Variants in SLC1A1 observed in about 807,000 individuals in gnomAD.
SLC1A1 encodes the protein excitatory amino acid transporter 3.
In SLC1A1, 43 loss-of-function variants were observed where a neutral mutation model predicts 53.3. The observed-to-expected ratio is 0.81, with a 90% CI of 0.63 to 1.04. The LOEUF (loss-of-function observed/expected upper bound fraction) is 1.04. Among genes scored for constraint, SLC1A1 ranks in the 50% least tolerant of loss-of-function variants. The probability of loss-of-function intolerance (pLI) is 0.00; values close to 1 mark genes in which losing one functional copy is unlikely to be tolerated. For missense variants in SLC1A1, 748 were observed against 664.9 expected (o/e 1.12, Z -1.37); for synonymous variants, 307 against 243.2 (o/e 1.26, Z -2.44).
chr9:4,567,410 G>C (rs541632980), intron 5 of SLC1A1, among the ~76,000 whole-genome samples: 2 of 152,136 alleles, frequency 1.3e-5, no homozygotes, highest in Non-Finnish European at 2.9e-5. Flanking sequence ...TCAACTTGTC[G>C]TTTATTGTGA....
At chr9:4,526,510 T>C (rs1000090631) in intron 1 of SLC1A1, among the ~76,000 whole-genome samples, 19 of 152,314 alleles carry the variant, frequency 1.2e-4, no homozygotes, top group African/African-American at 4.6e-4. Context: ...CTAATCTATC[T>C]AAGAGAAGAT....
At chr9:4,514,939 C>T (rs1248785364) in intron 1 of SLC1A1, among the ~76,000 whole-genome samples, 1 of 151,980 alleles carries the variant, frequency 6.6e-6, no homozygotes, top group Non-Finnish European at 1.5e-5. Flanking sequence ...GTGTAAAGGC[C>T]ATCACTCACT....
In SLC1A1 at chr9:4,577,054, T is replaced by G. The variant is rs146827397; in HGVS notation, c.1193+291T>G. The stretch of plus-strand genomic sequence containing the variant: ...TAAGGGCCAGTCCCTGCTTTCAAAC[T>G]ATCCCTGCTAGATGGGCATGCACAT... On this transcript the variant is annotated intron_variant, in intron 10 of 11. Transcript: ENST00000262352. Among the ~76,000 whole-genome samples the G allele has an allele frequency of 6.5e-3, 985 of 152,288 alleles. 8 individuals are homozygous for G. The highest frequency in any genetic ancestry group is 0.022 in the African/African-American group (924 of 41,556).
At chr9:4,505,280 C>T (rs1309141465) in intron 1 of SLC1A1, among the ~76,000 whole-genome samples, 1 of 151,956 alleles carries the variant, frequency 6.6e-6, no homozygotes, top group Non-Finnish European at 1.5e-5. Context: ...AACTTCTGAC[C>T]TCAGGTGATC....
intron 3 of SLC1A1, among the ~76,000 whole-genome samples, chr9:4,562,304 C>T (rs1004388609): frequency 6.6e-6 from 1 of 151,484 alleles, no homozygotes; most frequent in African/African-American, 2.4e-5. Context: ...GAACTCCTGA[C>T]CTCAGGTGAT....
chr9:4,520,975 C>T (rs555522176), intron 1 of SLC1A1, among the ~76,000 whole-genome samples: 1 of 152,150 alleles, frequency 6.6e-6, no homozygotes, highest in Non-Finnish European at 1.5e-5. Flanking sequence ...CTAATGAGTA[C>T]AAAGTAACAT....
chr9:4,567,878 C>T (rs1340195239), intron 6 of SLC1A1, 111 bp downstream of exon 6: 2 of 769,854 alleles, frequency 2.6e-6, no homozygotes, highest in Non-Finnish European at 4.6e-6. Flanking sequence ...TGCAAATTCA[C>T]CTACTTGCTA....
intron 1 of SLC1A1, among the ~76,000 whole-genome samples, chr9:4,508,751 G>A (rs1230945474): frequency 6.6e-6 from 1 of 152,176 alleles, no homozygotes; most frequent in Non-Finnish European, 1.5e-5. Flanking sequence ...CAGGTTTGAT[G>A]AGCAAAGGTT....
rs145502868 is a variant in SLC1A1, at chr9:4,500,737, G to A, written c.91+9967G>A. ...ACACCTCTGTTAATAGAAAGGAAGT[G>A]TTTCAGTGACTCACTCTTTTTCAGA... On this transcript the variant is annotated intron_variant, in intron 1 of 11. Coordinates refer to ENST00000262352, the MANE Select transcript of SLC1A1 (RefSeq NM_004170.6). 2.0e-5 allele frequency among the ~76,000 whole-genome samples: 3 copies of A among 152,292 alleles called. No homozygotes were observed. In the East Asian group the frequency reaches 5.8e-4, roughly 29 times the overall value.
intron 1 of SLC1A1, among the ~76,000 whole-genome samples, chr9:4,540,525 C>A (rs1255179458): frequency 6.6e-6 from 1 of 152,204 alleles, no homozygotes; most frequent in Admixed American, 6.5e-5. Context: ...AACACATGCC[C>A]TCTGGGCCTT....
At chr9:4,544,314 T>C (rs968341436) in intron 1 of SLC1A1, among the ~76,000 whole-genome samples, 10 of 152,208 alleles carry the variant, frequency 6.6e-5, no homozygotes, top group Admixed American at 5.9e-4. Context: ...ATAAGTGTAA[T>C]TGATAGCGAA....
At position 4,512,325 on chromosome 9, in the gene SLC1A1, C is replaced by A. The variant is rs574107598; in HGVS notation, c.91+21555C>A. 2.6e-5 allele frequency among the ~76,000 whole-genome samples: 4 copies of A among 152,110 alleles called. No homozygotes were observed. In the South Asian group the frequency reaches 8.3e-4, roughly 32 times the overall value. On this transcript the variant is annotated intron_variant, in intron 1 of 11. Transcript: ENST00000262352. ...CTCAGGAATTGAACACCATCTTGGG[C>A]AACGTGGCAAAACTCTACAAAAAAA...
chr9:4,491,787 G>C (rs1820245603), intron 1 of SLC1A1, among the ~76,000 whole-genome samples: 1 of 152,182 alleles, frequency 6.6e-6, no homozygotes, highest in South Asian at 2.1e-4. Context: ...CTTCCCCTTG[G>C]AAACTGCAGC....
intron 2 of SLC1A1, among the ~76,000 whole-genome samples, chr9:4,559,172 G>C (rs925835632): frequency 9.9e-5 from 15 of 152,000 alleles, no homozygotes; most frequent in Admixed American, 3.3e-4. Flanking sequence ...ATCTTTCATT[G>C]TCTTACTGGG....
At position 4,585,912 on chromosome 9, in the gene SLC1A1, TA is replaced by T. The variant is rs974993095; in HGVS notation, c.*362del. ...TGCATAGACAAGTGTTTTGGGTTTTTAAAAAAAATATTCTGTCATTGGTTAC... is the reference window on the plus strand; with the variant it reads ...TGCATAGACAAGTGTTTTGGGTTTTTAAAAAAATATTCTGTCATTGGTTAC... On this transcript the variant is annotated 3_prime_UTR_variant, in exon 12 of 12. Coordinates refer to ENST00000262352, the MANE Select transcript of SLC1A1 (RefSeq NM_004170.6). 17 of 202,074 alleles carry T rather than the reference TA, an allele frequency of 8.4e-5. No individual in the cohort carries two copies. Among genetic ancestry groups the T allele is most frequent in the African/African-American group, 1.9e-4 (8 of 42,404 alleles). 12.5% of individuals were successfully genotyped at this position (202,074 alleles called of 1,614,324 possible).
intron 10 of SLC1A1, among the ~76,000 whole-genome samples, chr9:4,577,520 G>C (rs1166284540): frequency 6.6e-6 from 1 of 152,290 alleles, no homozygotes; most frequent in Admixed American, 6.5e-5. Flanking sequence ...CTGTCGCCCA[G>C]GCTGGAGTGC....
intron 10 of SLC1A1, among the ~76,000 whole-genome samples, chr9:4,578,068 A>G (rs1323386672): frequency 6.6e-6 from 1 of 152,250 alleles, no homozygotes; most frequent in Non-Finnish European, 1.5e-5. Context: ...GGTGGGAAAG[A>G]TAAATAGTAA....
At chr9:4,570,253 G>A (rs764691354) in intron 6 of SLC1A1, among the ~76,000 whole-genome samples, 1 of 152,116 alleles carries the variant, frequency 6.6e-6, no homozygotes, top group Non-Finnish European at 1.5e-5. Context: ...AGTCAGTCTT[G>A]TCTCTCCAGC....
intron 6 of SLC1A1, among the ~76,000 whole-genome samples, chr9:4,568,547 C>A (rs1819710498): frequency 6.6e-6 from 1 of 151,744 alleles, no homozygotes; most frequent in Non-Finnish European, 1.5e-5. Flanking sequence ...ATAGTGAGAC[C>A]CCATATGCAC....
Sources: allele counts gnomAD v4.1 joint callset (sites outside exome capture counted in the v4.1 genomes callset), GRCh38; gene constraint gnomAD v4.1.1; transcripts MANE v1.5; gene names NCBI Gene and HGNC (gene_info 2026-07-23, HGNC 2026-07-21).